EYS: variants seen among roughly 807,000 people sequenced by gnomAD.
EYS encodes protein eyes shut homolog.
EYS carries 250 observed loss-of-function variants against 282.1 expected under a neutral mutation model. The ratio of observed to expected loss-of-function variants is 0.89; its 90% CI spans 0.80 to 0.98. The LOEUF (loss-of-function observed/expected upper bound fraction) is 0.98, where lower values mean the gene tolerates loss of function less well. Ranked by LOEUF, EYS falls within the 50% of genes least tolerant of loss-of-function variation. The pLI is 0.00. For synonymous variants in EYS, 1,355 were observed against 1,282.9 expected, an observed-to-expected ratio of 1.06 and a Z score of -1.20; for missense variants, 4,016 against 3,709.0, an observed-to-expected ratio of 1.08 and a Z score of -2.15.
intron 30 of EYS, among the ~76,000 whole-genome samples, chr6:64,265,187 A>T (rs1359955386): frequency 6.6e-6 from 1 of 152,138 alleles, no homozygotes; most frequent in East Asian, 1.9e-4. Flanking sequence ...AAAGATTGAT[A>T]ACAGTATGCA....
intron 29 of EYS, among the ~76,000 whole-genome samples, chr6:64,329,511 G>A (rs1197215674): frequency 6.6e-6 from 1 of 152,012 alleles, no homozygotes; most frequent in Non-Finnish European, 1.5e-5. Flanking sequence ...GGAAAATGAG[G>A]CAATGTATAA....
At chr6:63,945,919 GC>G (rs1765383637) in intron 35 of EYS, among the ~76,000 whole-genome samples, 1 of 152,144 alleles carries the variant, frequency 6.6e-6, no homozygotes, top group African/African-American at 2.4e-5. Flanking sequence ...TGTCCCAACT[GC>G]CCTTTCCTTA....
intron 41 of EYS, among the ~76,000 whole-genome samples, chr6:63,750,563 C>T (rs919031486): frequency 6.6e-6 from 1 of 152,142 alleles, no homozygotes; most frequent in Admixed American, 6.6e-5. Context: ...CACTCTGAGT[C>T]AGGTGGTACA....
At chr6:64,674,729 A>AACACAC (rs70999158) in intron 22 of EYS, among the ~76,000 whole-genome samples, 3,251 of 148,196 alleles carry the variant, frequency 0.022, 117 homozygotes, top group African/African-American at 0.071. Context: ...TTCTGTCATT[A>AACACAC]ACACACACAC....
intron 12 of EYS, among the ~76,000 whole-genome samples, chr6:65,058,129 C>G (rs1386116001): frequency 6.6e-6 from 1 of 152,014 alleles, no homozygotes; most frequent in East Asian, 1.9e-4. Context: ...TGATGTATGT[C>G]CCTGAGGGCT....
At chr6:65,115,201 AT>A (rs1775330682) in intron 12 of EYS, among the ~76,000 whole-genome samples, 1 of 152,026 alleles carries the variant, frequency 6.6e-6, no homozygotes, top group East Asian at 1.9e-4. Flanking sequence ...AAAAGCTCTT[AT>A]TTTTTAAATT....
intron 33 of EYS, among the ~76,000 whole-genome samples, chr6:64,023,991 T>C (rs1769339122): frequency 6.6e-6 from 1 of 152,146 alleles, no homozygotes; most frequent in Non-Finnish European, 1.5e-5. Context: ...GCTCAGGACA[T>C]GCAGCTCGCC....
chr6:63,988,555 G>A (rs572437979), intron 34 of EYS, among the ~76,000 whole-genome samples: 2 of 151,686 alleles, frequency 1.3e-5, no homozygotes, highest in South Asian at 2.1e-4. Context: ...TAAAATGGTC[G>A]ACTTCCATTC....
At chr6:65,260,421 T>A (rs1422277183) in intron 12 of EYS, among the ~76,000 whole-genome samples, 1 of 152,158 alleles carries the variant, frequency 6.6e-6, no homozygotes, top group Admixed American at 6.6e-5. Context: ...TTCATTTCTC[T>A]GACCTATCTT....
chr6:64,118,546 A>T (rs908944595), intron 31 of EYS, among the ~76,000 whole-genome samples: 1 of 152,148 alleles, frequency 6.6e-6, no homozygotes, highest in Non-Finnish European at 1.5e-5. Context: ...CTCAAAATGG[A>T]TGAAATAATT....
chr6:63,779,800 C>T (rs890238968), intron 39 of EYS, among the ~76,000 whole-genome samples: 2 of 149,670 alleles, frequency 1.3e-5, no homozygotes, highest in African/African-American at 5.0e-5. Context: ...GCATACCTTG[C>T]AGGTTTGTTA....
chr6:64,284,935 C>A (rs1768442830), intron 30 of EYS, among the ~76,000 whole-genome samples: 1 of 152,108 alleles, frequency 6.6e-6, no homozygotes, highest in African/African-American at 2.4e-5. Context: ...TCCTATTAGA[C>A]CTCTGGGCCT....
chr6:65,577,605 C>T (rs999437753), intron 2 of EYS, among the ~76,000 whole-genome samples: 2 of 151,696 alleles, frequency 1.3e-5, no homozygotes, highest in African/African-American at 4.8e-5. Flanking sequence ...AGTTTCTGCA[C>T]TGCAAAGGAA....
At chr6:64,251,374 G>A (rs1767211018) in intron 30 of EYS, among the ~76,000 whole-genome samples, 1 of 152,030 alleles carries the variant, frequency 6.6e-6, no homozygotes, top group African/African-American at 2.4e-5. Context: ...GAGAATTATG[G>A]TATAGCAGCA....
chr6:64,103,059 AG>A (rs376034481), intron 31 of EYS, among the ~76,000 whole-genome samples: 373 of 152,286 alleles, frequency 2.4e-3, no homozygotes, highest in East Asian at 8.1e-3. Flanking sequence ...TAGAGAAAAA[AG>A]ATGCCCCACA....
intron 32 of EYS, among the ~76,000 whole-genome samples, chr6:64,078,879 A>G (rs754435650): frequency 2.0e-5 from 3 of 152,070 alleles, no homozygotes; most frequent in Non-Finnish European, 2.9e-5. Flanking sequence ...CTGGCCTTCA[A>G]AGATAACACA....
intron 12 of EYS, among the ~76,000 whole-genome samples, chr6:65,092,115 T>C (rs557659236): frequency 8.5e-5 from 13 of 152,266 alleles, no homozygotes; most frequent in African/African-American, 1.2e-4. Flanking sequence ...CATTAGAATA[T>C]AAAAATACAA....
intron 26 of EYS, among the ~76,000 whole-genome samples, chr6:64,578,858 G>A (rs1159423798): frequency 6.6e-6 from 1 of 152,056 alleles, no homozygotes; most frequent in Admixed American, 6.6e-5. Flanking sequence ...CTGTTGAGGG[G>A]TTTAAGTAAT....
chr6:65,592,514 A>G (rs182188991), intron 2 of EYS, among the ~76,000 whole-genome samples: 3 of 152,122 alleles, frequency 2.0e-5, no homozygotes, highest in Non-Finnish European at 4.4e-5. Context: ...CTCACAGCTA[A>G]CATTTATCAT....
Sources: gnomAD v4.1 joint callset for allele counts (sites outside exome capture counted in the v4.1 genomes callset) on GRCh38, gnomAD v4.1.1 for gene constraint, MANE v1.5 for transcripts, NCBI Gene and HGNC (gene_info 2026-07-23, HGNC 2026-07-21) for gene names.